MAGI2: variants seen among roughly 807,000 people sequenced by gnomAD.
MAGI2 encodes membrane-associated guanylate kinase, WW and PDZ domain-containing protein 2.
Under a neutral mutation model 133.3 loss-of-function variants are expected in MAGI2, and 35 were observed. That is an observed-to-expected ratio of 0.26 (90% confidence interval 0.20 to 0.35). MAGI2 has a LOEUF of 0.35. Ranked by LOEUF, MAGI2 falls within the 10% of genes least tolerant of loss-of-function variation. MAGI2 has a pLI of 1.00. For missense variants in MAGI2, 1,636 were observed against 1,863.4 expected (o/e 0.88, Z 2.25); for synonymous variants, 729 against 710.6 (o/e 1.03, Z -0.41).
chr7:79,440,222 G>A (rs1848408412), intron 1 of MAGI2, among the ~76,000 whole-genome samples: 1 of 150,366 alleles, frequency 6.7e-6, no homozygotes, highest in Non-Finnish European at 1.5e-5. Flanking sequence ...ATAAGTTAAT[G>A]GATTCTAGCC....
chr7:78,859,449 T>C (rs923544155), intron 2 of MAGI2, among the ~76,000 whole-genome samples: 9 of 152,048 alleles, frequency 5.9e-5, no homozygotes, highest in African/African-American at 2.2e-4. Context: ...TGACAAAATC[T>C]CTCAGCATTT....
chr7:79,401,648 A>C (rs1845478314), intron 1 of MAGI2, among the ~76,000 whole-genome samples: 1 of 152,194 alleles, frequency 6.6e-6, no homozygotes, highest in Admixed American at 6.6e-5. Context: ...TAATTAAAAA[A>C]ATGAATGATT....
At chr7:79,244,497 G>A (rs1832676898) in intron 1 of MAGI2, among the ~76,000 whole-genome samples, 1 of 152,150 alleles carries the variant, frequency 6.6e-6, no homozygotes, top group Non-Finnish European at 1.5e-5. Context: ...ACTTAGTGCT[G>A]ATTTGTTACA....
chr7:78,611,609 T>C (rs1806450900), intron 3 of MAGI2, among the ~76,000 whole-genome samples: 1 of 152,212 alleles, frequency 6.6e-6, no homozygotes, highest in African/African-American at 2.4e-5. Context: ...GTTCCAGTGC[T>C]GTTTGTTGGA....
chr7:78,114,655 G>C (rs1345103808), intron 20 of MAGI2, among the ~76,000 whole-genome samples: 1 of 152,204 alleles, frequency 6.6e-6, no homozygotes, highest in East Asian at 1.9e-4. Context: ...TGTGTGGCAG[G>C]GTGGAGGGGA....
chr7:78,943,978 G>A (rs1422141761), intron 2 of MAGI2, among the ~76,000 whole-genome samples: 1 of 152,164 alleles, frequency 6.6e-6, no homozygotes, highest in East Asian at 1.9e-4. Flanking sequence ...TCATTCAAAA[G>A]TTCCCAAGAG....
intron 6 of MAGI2, among the ~76,000 whole-genome samples, chr7:78,457,264 C>T (rs1325350883): frequency 6.6e-6 from 1 of 152,212 alleles, no homozygotes; most frequent in Non-Finnish European, 1.5e-5. Context: ...TTTACATCTG[C>T]AGACCATGAT....
intron 1 of MAGI2, among the ~76,000 whole-genome samples, chr7:79,171,536 T>G (rs1160108534): frequency 6.6e-6 from 1 of 151,236 alleles, no homozygotes; most frequent in Admixed American, 6.6e-5. Context: ...GGAAATTATA[T>G]CCCCTCAAAA....
At position 79,104,603 on chromosome 7, in the gene MAGI2, G is replaced by T. The variant is rs2129543471; in HGVS notation, c.302-97397C>A. ...AATCGCTTGAACCTGGGAGGTGGAG[G>T]TTGCAGTGAGCAGAGAACGTGCCAC... is the stretch of plus-strand genomic sequence containing the variant. On this transcript the variant is annotated intron_variant, in intron 1 of 21. Coordinates refer to ENST00000354212, the MANE Select transcript of MAGI2 (RefSeq NM_012301.4). Among the ~76,000 whole-genome samples, 2 of 152,120 alleles carry T rather than the reference G, an allele frequency of 1.3e-5. 1 individual carries two copies. Among genetic ancestry groups the T allele is most frequent in the South Asian group, 4.2e-4 (2 of 4,812 alleles).
rs60580466 is a variant in MAGI2 at position 78,853,332 on chromosome 7, C to CTTTTTTTTTTTTTTTT, written c.418+153742_418+153757dup. On this transcript the variant is annotated intron_variant, in intron 2 of 21. Coordinates refer to ENST00000354212, the MANE Select transcript of MAGI2 (RefSeq NM_012301.4). ...CTCATATTACTCTTGTCCATTCGTT[C>CTTTTTTTTTTTTTTTT]TTTTTTTTTTTTTTTTTTTTTTTTT... 4.4e-4 allele frequency among the ~76,000 whole-genome samples: 11 copies of CTTTTTTTTTTTTTTTT among 25,076 alleles called. 3 individuals are homozygous for CTTTTTTTTTTTTTTTT. Among genetic ancestry groups the CTTTTTTTTTTTTTTTT allele is most frequent in the Admixed American group, 6.1e-4 (1 of 1,636 alleles). 16.5% of individuals were successfully genotyped at this position (25,076 alleles called of 152,430 possible).
chr7:78,906,793 C>T (rs539334825), intron 2 of MAGI2, among the ~76,000 whole-genome samples: 20 of 132,568 alleles, frequency 1.5e-4, no homozygotes, highest in Non-Finnish European at 2.7e-4. Flanking sequence ...GAGCTTCATA[C>T]ACACACACAT....
chr7:78,126,746 G>A (rs1399169497), intron 19 of MAGI2, among the ~76,000 whole-genome samples: 2 of 152,246 alleles, frequency 1.3e-5, no homozygotes, highest in Non-Finnish European at 2.9e-5. Context: ...CTTACGCACA[G>A]GGGCTTGGCC....
At chr7:78,110,042 C>G (rs955295845) in intron 20 of MAGI2, among the ~76,000 whole-genome samples, 1 of 152,168 alleles carries the variant, frequency 6.6e-6, no homozygotes, top group East Asian at 1.9e-4. Flanking sequence ...AGCACTGACT[C>G]GGGAGCTTGC....
chr7:79,026,814 C>A (rs1562803032), intron 1 of MAGI2, among the ~76,000 whole-genome samples: 1 of 150,372 alleles, frequency 6.7e-6, no homozygotes, highest in Non-Finnish European at 1.5e-5. Flanking sequence ...GCGGAGGTTG[C>A]AGTAAGCCAA....
intron 1 of MAGI2, among the ~76,000 whole-genome samples, chr7:79,334,448 A>G (rs1384611701): frequency 1.3e-5 from 2 of 152,156 alleles, no homozygotes; most frequent in South Asian, 4.1e-4. Flanking sequence ...ATTTCATTAA[A>G]AGCCCCTGAC....
intron 2 of MAGI2, among the ~76,000 whole-genome samples, chr7:78,744,037 C>T (rs1822684875): frequency 6.6e-6 from 1 of 152,078 alleles, no homozygotes; most frequent in South Asian, 2.1e-4. Context: ...TAGAAAATTA[C>T]TTTACATAAA....
intron 9 of MAGI2, among the ~76,000 whole-genome samples, chr7:78,334,752 G>A (rs977438364): frequency 9.2e-5 from 14 of 152,138 alleles, no homozygotes; most frequent in African/African-American, 2.9e-4. Context: ...CTGACTTTTG[G>A]TTCAAGATAA....
intron 9 of MAGI2, among the ~76,000 whole-genome samples, chr7:78,263,216 C>G (rs56080949): frequency 3.9e-4 from 59 of 152,236 alleles, no homozygotes; most frequent in African/African-American, 1.3e-3. Context: ...ATCCAATCCA[C>G]CATTGGTAGG....
intron 3 of MAGI2, among the ~76,000 whole-genome samples, chr7:78,559,366 C>T (rs1374376316): frequency 6.6e-6 from 1 of 151,106 alleles, no homozygotes; most frequent in Non-Finnish European, 1.5e-5. Flanking sequence ...TAACAAATTC[C>T]TCACACTTTG....
Sources: allele counts gnomAD v4.1 joint callset (sites outside exome capture counted in the v4.1 genomes callset), GRCh38; gene constraint gnomAD v4.1.1; transcripts MANE v1.5; gene names NCBI Gene and HGNC (gene_info 2026-07-23, HGNC 2026-07-21).